The following SERGEF variants were observed in gnomAD, a reference collection of about 807,000 sequenced individuals.
SERGEF encodes the protein secretion regulating guanine nucleotide exchange factor.
A neutral mutation model predicts 50.0 loss-of-function variants in SERGEF; 51 were observed. The observed-to-expected ratio is 1.02, with a 90% CI of 0.81 to 1.29. SERGEF has a LOEUF of 1.29. Among genes scored for constraint, SERGEF ranks in the 50% most tolerant of loss-of-function variants. SERGEF has a pLI of 0.00. For synonymous variants in SERGEF, 205 were observed against 212.4 expected, an observed-to-expected ratio of 0.97 and a Z score of 0.30; for missense variants, 521 against 557.0, an observed-to-expected ratio of 0.94 and a Z score of 0.65.
At chr11:18,001,392 G>C (rs1233032853) in intron 4 of SERGEF, among the ~76,000 whole-genome samples, 1 of 152,126 alleles carries the variant, frequency 6.6e-6, no homozygotes, top group Non-Finnish European at 1.5e-5. Context: ...AAGGCACTAA[G>C]GCTTCCTGCT....
chr11:17,937,030 C>G (rs190910563), intron 9 of SERGEF, among the ~76,000 whole-genome samples: 1 of 151,882 alleles, frequency 6.6e-6, no homozygotes, highest in East Asian at 1.9e-4. Context: ...TGGGAACAAC[C>G]TAAATTTCCA....
intron 10 of SERGEF, among the ~76,000 whole-genome samples, chr11:17,834,262 T>C (rs1166492277): frequency 1.3e-5 from 2 of 152,178 alleles, no homozygotes; most frequent in African/African-American, 4.8e-5. Context: ...TTTTTGCCTG[T>C]CTACCACCCA....
At chr11:17,806,273 G>C (rs912862571) in intron 10 of SERGEF, among the ~76,000 whole-genome samples, 1 of 152,190 alleles carries the variant, frequency 6.6e-6, no homozygotes, top group Non-Finnish European at 1.5e-5. Context: ...ATGTATGCAA[G>C]GAAAGAGAAG....
intron 8 of SERGEF, among the ~76,000 whole-genome samples, chr11:17,962,506 AATAGATACACTAATGTCATCCAAAAAGT>A (rs919042680): frequency 5.9e-5 from 9 of 152,252 alleles, no homozygotes; most frequent in Admixed American, 4.6e-4. Flanking sequence ...GATTAAAAAA[AATAGATACACTAATGTCATCCAAAAAGT>A]ATAGGTATGT....
rs534793820 is a variant in SERGEF at position 17,858,055 on chromosome 11, GA to G, written c.1048+20152del. On this transcript the variant is annotated intron_variant, in intron 10 of 10. Coordinates refer to ENST00000265965, the MANE Select transcript of SERGEF (RefSeq NM_012139.4). ...GCCTGCTGCAGGGAACAGTGAGAAG[GA>G]AACAAATTTTGTCTTGGAAGACAAT... is the stretch of plus-strand genomic sequence containing the variant. Among the ~76,000 whole-genome samples the G allele has an allele frequency of 2.0e-3, 309 of 152,330 alleles. 3 individuals are homozygous for G. The highest frequency in any genetic ancestry group is 5.8e-3 in the African/African-American group (241 of 41,584).
At chr11:18,006,570 T>G (rs759090250) in intron 3 of SERGEF, 21 bp downstream of exon 3, 1 of 1,603,936 alleles carries the variant, frequency 6.2e-7, no homozygotes, top group Non-Finnish European at 8.5e-7. Context: ...GTGACAAAAA[T>G]CTACCTAGGA....
chr11:17,858,545 C>T (rs920524989), intron 10 of SERGEF, among the ~76,000 whole-genome samples: 1 of 152,146 alleles, frequency 6.6e-6, no homozygotes, highest in Admixed American at 6.5e-5. Context: ...AAACATCTTA[C>T]AAGGAAGTCA....
intron 5 of SERGEF, among the ~76,000 whole-genome samples, chr11:17,996,262 C>A (rs1853835536): frequency 6.6e-6 from 1 of 152,114 alleles, no homozygotes; most frequent in Non-Finnish European, 1.5e-5. Flanking sequence ...AGAAAAGAAC[C>A]TTGAAGATCA....
intron 9 of SERGEF, among the ~76,000 whole-genome samples, chr11:17,951,008 C>T (rs1040782398): frequency 1.2e-4 from 19 of 152,150 alleles, no homozygotes; most frequent in African/African-American, 4.3e-4. Context: ...ATGGCTGCCT[C>T]AACAGGAATT....
chr11:17,810,323 C>T (rs938715131), intron 10 of SERGEF, among the ~76,000 whole-genome samples: 1 of 152,224 alleles, frequency 6.6e-6, no homozygotes, highest in Non-Finnish European at 1.5e-5. Context: ...ATCTGTCTAT[C>T]CTCACACCTC....
chr11:17,823,775 C>A (rs1252226165), intron 10 of SERGEF, among the ~76,000 whole-genome samples: 1 of 152,184 alleles, frequency 6.6e-6, no homozygotes, highest in East Asian at 1.9e-4. Context: ...TTCCAGCTTC[C>A]TTTATTCCCC....
At chr11:17,992,101 G>A (rs7950824) in intron 7 of SERGEF, among the ~76,000 whole-genome samples, 5 of 152,158 alleles carry the variant, frequency 3.3e-5, no homozygotes, top group African/African-American at 2.4e-5. Flanking sequence ...GTATTGGCTC[G>A]GTGTTTCAAA....
intron 9 of SERGEF, among the ~76,000 whole-genome samples, chr11:17,957,682 C>T (rs895317640): frequency 1.3e-5 from 2 of 151,128 alleles, no homozygotes; most frequent in African/African-American, 4.9e-5. Flanking sequence ...CTTGTCATTG[C>T]ATCCCCAAGA....
intron 9 of SERGEF, among the ~76,000 whole-genome samples, chr11:17,935,472 A>G (rs1852433380): frequency 6.6e-6 from 1 of 152,204 alleles, no homozygotes; most frequent in African/African-American, 2.4e-5. Flanking sequence ...AAACAAAAAC[A>G]AAACAAAACA....
At chr11:17,815,922 TAAC>T (rs969379679) in intron 10 of SERGEF, among the ~76,000 whole-genome samples, 17 of 152,082 alleles carry the variant, frequency 1.1e-4, no homozygotes, top group African/African-American at 3.9e-4. Context: ...CCATCTCAAA[TAAC>T]AACAACAAAC....
At chr11:17,994,632 C>T (rs1853797441) in intron 6 of SERGEF, among the ~76,000 whole-genome samples, 1 of 151,922 alleles carries the variant, frequency 6.6e-6, no homozygotes, top group Admixed American at 6.6e-5. Flanking sequence ...ATGAAGAAGA[C>T]AAAAATGTTT....
At chr11:17,856,696 A>C (rs1850826238) in intron 10 of SERGEF, 1 of 152,224 alleles carries the variant, frequency 6.6e-6, no homozygotes, top group Non-Finnish European at 1.5e-5. Flanking sequence ...CTTACTGTTG[A>C]TGTAAAGAAT....
intron 9 of SERGEF, among the ~76,000 whole-genome samples, chr11:17,954,296 T>G (rs1424987701): frequency 1.3e-5 from 2 of 152,102 alleles, no homozygotes; most frequent in Admixed American, 1.3e-4. Context: ...AAATTAGAAA[T>G]GTATTAAATA....
chr11:17,968,425 T>C (rs1219052583), intron 8 of SERGEF, among the ~76,000 whole-genome samples: 1 of 152,174 alleles, frequency 6.6e-6, no homozygotes, highest in Non-Finnish European at 1.5e-5. Context: ...ACAGAACACA[T>C]AAAACTTAAT....
Sources: allele counts gnomAD v4.1 joint callset (sites outside exome capture counted in the v4.1 genomes callset), GRCh38; gene constraint gnomAD v4.1.1; transcripts MANE v1.5; gene names NCBI Gene and HGNC (gene_info 2026-07-23, HGNC 2026-07-21).